Variants in GMEB2 observed in about 807,000 individuals in gnomAD.
The protein encoded by GMEB2 is glucocorticoid modulatory element binding protein 2.
GMEB2 carries 7 observed loss-of-function variants against 45.7 expected under a neutral mutation model. The observed-to-expected ratio is 0.15, with a 90% confidence interval of 0.09 to 0.29. GMEB2 has a LOEUF of 0.29. GMEB2 is among the 10% of genes least tolerant of loss of function. GMEB2 has a pLI of 1.00. For missense variants in GMEB2, 582 were observed against 739.2 expected, an observed-to-expected ratio of 0.79 and a Z score of 2.47; for synonymous variants, 322 against 323.6, an observed-to-expected ratio of 1.00 and a Z score of 0.05.
intron 2 of GMEB2, among the ~76,000 whole-genome samples, chr20:63,611,013 C>G (rs1049769229): frequency 6.6e-6 from 1 of 152,184 alleles, no homozygotes; most frequent in South Asian, 2.1e-4. Flanking sequence ...CCAGCCTGGA[C>G]CCCCCGGCGA....
At chr20:63,596,674 G>A (rs1366559511) in intron 5 of GMEB2, among the ~76,000 whole-genome samples, 1 of 152,220 alleles carries the variant, frequency 6.6e-6, no homozygotes, top group Non-Finnish European at 1.5e-5. Context: ...TCCTTGGGAA[G>A]CAAGGTAGAG....
At chr20:63,606,006 C>T (rs1389742576) in intron 2 of GMEB2, among the ~76,000 whole-genome samples, 3 of 151,554 alleles carry the variant, frequency 2.0e-5, no homozygotes, top group South Asian at 4.2e-4. Context: ...ATGGAGGCAG[C>T]GAGTGCCCCA....
intron 1 of GMEB2, among the ~76,000 whole-genome samples, chr20:63,622,141 G>C (rs2089645640): frequency 6.6e-6 from 1 of 151,960 alleles, no homozygotes; most frequent in African/African-American, 2.4e-5. Context: ...AAAAAAGAAA[G>C]AAAGAAAAGA....
At chr20:63,597,161 C>CTTTT (rs1361442040) in intron 5 of GMEB2, among the ~76,000 whole-genome samples, 3 of 103,252 alleles carry the variant, frequency 2.9e-5, no homozygotes, top group Non-Finnish European at 4.4e-5. Context: ...CCTTTTTATT[C>CTTTT]TTGTTTTTTT....
intron 2 of GMEB2, among the ~76,000 whole-genome samples, chr20:63,609,482 A>C (rs1261673299): frequency 2.8e-5 from 1 of 35,382 alleles, no homozygotes; most frequent in African/African-American, 8.0e-5. Flanking sequence ...TGTCCCTCTG[A>C]CCCCACATCC....
At chr20:63,606,627 A>G (rs1412483338) in intron 2 of GMEB2, among the ~76,000 whole-genome samples, 1 of 152,186 alleles carries the variant, frequency 6.6e-6, no homozygotes, top group Non-Finnish European at 1.5e-5. Context: ...GATTACAGGC[A>G]TGAGCCACTG....
chr20:63,613,790 G>A (rs1349456740), intron 2 of GMEB2, among the ~76,000 whole-genome samples: 1 of 152,162 alleles, frequency 6.6e-6, no homozygotes, highest in African/African-American at 2.4e-5. Flanking sequence ...GGGATTACAG[G>A]TGTGAGCCAC....
chr20:63,605,688 C>T (rs1449783670), intron 2 of GMEB2, among the ~76,000 whole-genome samples: 1 of 151,990 alleles, frequency 6.6e-6, no homozygotes, highest in African/African-American at 2.4e-5. Context: ...GGTGCAGTGG[C>T]TCACGCCTGT....
rs945231273 is a variant in GMEB2, at chr20:63,601,988, C to T, written c.357+977G>A. ...TGTGCTGCCTGTGGCTTCTGTGGGG[C>T]CTGTGGCTTCTGTGCAGCTTGTGGC... On this transcript the variant is annotated intron_variant, in intron 4 of 9. Coordinates refer to ENST00000370077, the MANE Select transcript of GMEB2 (RefSeq NM_012384.5). 1.4e-3 allele frequency among the ~76,000 whole-genome samples: 210 copies of T among 151,608 alleles called. 1 individual carries two copies. Among genetic ancestry groups the T allele is most frequent in the Non-Finnish European group, 1.9e-3 (130 of 67,874 alleles).
chr20:63,607,462 CCT>C lies in GMEB2; in HGVS notation c.132-2624_132-2623del, dbSNP rs1221004789. On this transcript the variant is annotated intron_variant, in intron 2 of 9. Coordinates refer to ENST00000370077, the MANE Select transcript of GMEB2 (RefSeq NM_012384.5). ...CCACCTCCATTTCTAGAAACATGCC[CCT>C]GTGACCTCACCTCCATTTCTAGAAA... Among the ~76,000 whole-genome samples, 4 of 19,380 alleles carry C rather than the reference CCT, an allele frequency of 2.1e-4. 1 individual carries two copies. The East Asian group carries it at 2.1e-3, about 10-fold the overall frequency. The allele number at this position is 19,380 out of a possible 152,430, so 12.7% of individuals were successfully genotyped here. A position where few individuals can be genotyped will look rare whatever the true frequency, so the allele number is the denominator to read the frequency against.
intron 1 of GMEB2, among the ~76,000 whole-genome samples, chr20:63,624,605 CT>C (rs1601038583): frequency 1.3e-5 from 2 of 152,226 alleles, no homozygotes; most frequent in African/African-American, 4.8e-5. Flanking sequence ...AACAGCCTCA[CT>C]GCAGGCAGGG....
intron 2 of GMEB2, among the ~76,000 whole-genome samples, chr20:63,611,621 A>G (rs1223535267): frequency 6.6e-6 from 1 of 151,638 alleles, no homozygotes; most frequent in Non-Finnish European, 1.5e-5. Flanking sequence ...TCTCAAAAAA[A>G]AAAAAGGAAA....
intron 3 of GMEB2, among the ~76,000 whole-genome samples, chr20:63,603,357 G>A: frequency 6.6e-6 from 1 of 152,286 alleles, no homozygotes; most frequent in Non-Finnish European, 1.5e-5. Context: ...ACCCACTTAG[G>A]AAAATAAAAT....
intron 6 of GMEB2, among the ~76,000 whole-genome samples, chr20:63,594,698 A>C (rs2083178820): frequency 6.6e-6 from 1 of 152,170 alleles, no homozygotes; most frequent in Non-Finnish European, 1.5e-5. Context: ...CACATCACCA[A>C]AGACCACCCA....
intron 1 of GMEB2, 30 bp downstream of exon 1, chr20:63,626,926 G>A (rs1199372032): frequency 6.8e-6 from 1 of 146,840 alleles, no homozygotes; most frequent in Non-Finnish European, 1.5e-5. Flanking sequence ...CTCGCCGCGG[G>A]GGGGCCGCGG....
chr20:63,610,526 A>C (rs564274597), intron 2 of GMEB2, among the ~76,000 whole-genome samples: 11 of 152,194 alleles, frequency 7.2e-5, no homozygotes, highest in Non-Finnish European at 1.2e-4. Context: ...GTCTCAAAAA[A>C]AGAAAACAAA....
chr20:63,607,410 T>A (rs1324094714), intron 2 of GMEB2, among the ~76,000 whole-genome samples: 1 of 20,422 alleles, frequency 4.9e-5, no homozygotes, highest in African/African-American at 1.0e-4. Flanking sequence ...TGACCCCACA[T>A]CCATTTCTAG....
At position 63,619,516 on chromosome 20, in the gene GMEB2, T is replaced by A; in HGVS notation, c.-57-62A>T. On this transcript the variant is annotated intron_variant, in intron 1 of 9. Coordinates refer to ENST00000370077, the MANE Select transcript of GMEB2 (RefSeq NM_012384.5). This position sits in a 1 kb window ranked among gnomAD's most constrained non-coding sequence, Gnocchi z 4.6. ...TCTCCACATCCACACAACATAGCAC[T>A]CACAAAGGCATCTCTAATCAGCTCC... The A allele has an allele frequency of 3.1e-6, 3 of 979,644 alleles. No homozygotes were observed. The African/African-American group carries it at 4.9e-5, about 16-fold the overall frequency. 60.7% of individuals were successfully genotyped at this position (979,644 alleles called of 1,614,324 possible).
At position 63,610,538 on chromosome 20, in the gene GMEB2, C is replaced by CA. The variant is rs1299424059; in HGVS notation, c.132-5699dup. Among the ~76,000 whole-genome samples, 22 of 151,582 alleles carry CA rather than the reference C, an allele frequency of 1.5e-4. No homozygotes were observed. In the South Asian group the frequency reaches 1.7e-3, roughly 12 times the overall value. On this transcript the variant is annotated intron_variant, in intron 2 of 9. Coordinates refer to ENST00000370077, the MANE Select transcript of GMEB2 (RefSeq NM_012384.5). ...TCTGTCTCAAAAAAAGAAAACAAAACAAAAAAAACATGTAGCAAGAGGAAG... is the reference window on the plus strand; with the variant it reads ...TCTGTCTCAAAAAAAGAAAACAAAACAAAAAAAAACATGTAGCAAGAGGAAG...
Sources: allele counts gnomAD v4.1 joint callset (sites outside exome capture counted in the v4.1 genomes callset), GRCh38; gene constraint gnomAD v4.1.1; non-coding constraint Gnocchi (gnomAD v3.1); transcripts MANE v1.5; gene names NCBI Gene and HGNC (gene_info 2026-07-23, HGNC 2026-07-21).